CHRM3: variants seen among roughly 807,000 people sequenced by gnomAD.
The protein encoded by CHRM3 is muscarinic acetylcholine receptor M3.
In CHRM3, 11 loss-of-function variants were observed where a neutral mutation model predicts 41.8. The ratio of observed to expected loss-of-function variants is 0.26; its 90% CI spans 0.17 to 0.44. The LOEUF (loss-of-function observed/expected upper bound fraction) is 0.44, where lower values mean the gene tolerates loss of function less well. Among genes scored for constraint, CHRM3 ranks in the 20% least tolerant of loss-of-function variants. CHRM3 has a pLI of 1.00. For synonymous variants in CHRM3, 297 were observed against 301.4 expected, an observed-to-expected ratio of 0.99 and a Z score of 0.15; for missense variants, 571 against 745.4, an observed-to-expected ratio of 0.77 and a Z score of 2.72.
At chr1:239,402,495 T>C (rs1204055194) in intron 1 of CHRM3, among the ~76,000 whole-genome samples, 1 of 152,176 alleles carries the variant, frequency 6.6e-6, no homozygotes, top group African/African-American at 2.4e-5. Flanking sequence ...CAATTTTACC[T>C]CTACGTAACT....
chr1:239,610,858 C>A (rs1666938310), intron 3 of CHRM3, among the ~76,000 whole-genome samples: 1 of 152,146 alleles, frequency 6.6e-6, no homozygotes, highest in African/African-American at 2.4e-5. Context: ...TTGAGGCCAT[C>A]CTGGCCAACA....
intron 3 of CHRM3, among the ~76,000 whole-genome samples, chr1:239,558,873 T>C (rs1028933874): frequency 6.6e-6 from 1 of 152,220 alleles, no homozygotes; most frequent in Non-Finnish European, 1.5e-5. Flanking sequence ...TTTATTCTCC[T>C]TTCCCTAACT....
chr1:239,675,699 T>C (rs766210511), intron 4 of CHRM3, among the ~76,000 whole-genome samples: 2 of 152,226 alleles, frequency 1.3e-5, no homozygotes, highest in Non-Finnish European at 2.9e-5. Flanking sequence ...AGTTTTTCAA[T>C]TGGAAAAGCA....
At chr1:239,778,386 C>T (rs140489996) in intron 5 of CHRM3, among the ~76,000 whole-genome samples, 87 of 152,242 alleles carry the variant, frequency 5.7e-4, no homozygotes, top group African/African-American at 2.0e-3. Flanking sequence ...AAATTTACTT[C>T]TGAAATCTCC....
At chr1:239,681,746 A>G (rs1020131110) in intron 5 of CHRM3, among the ~76,000 whole-genome samples, 4 of 152,134 alleles carry the variant, frequency 2.6e-5, no homozygotes, top group Non-Finnish European at 5.9e-5. Context: ...AAGAAATTTA[A>G]AAATTAGCCT....
intron 6 of CHRM3, among the ~76,000 whole-genome samples, chr1:239,848,443 G>T (rs1233090759): frequency 6.6e-6 from 1 of 152,018 alleles, no homozygotes; most frequent in Non-Finnish European, 1.5e-5. Context: ...TGATTTTAAT[G>T]ATCCCCAAAA....
intron 5 of CHRM3, among the ~76,000 whole-genome samples, chr1:239,820,557 A>G (rs1257256551): frequency 6.6e-6 from 1 of 152,224 alleles, no homozygotes; most frequent in African/African-American, 2.4e-5. Context: ...GAACAATCTC[A>G]TCCTATGCTT....
intron 3 of CHRM3, among the ~76,000 whole-genome samples, chr1:239,627,304 A>T (rs1479969599): frequency 1.5e-5 from 2 of 133,144 alleles, no homozygotes; most frequent in African/African-American, 2.9e-5. Flanking sequence ...AGTCTGTTTT[A>T]TCAGAGACTA....
In CHRM3 at chr1:239,909,371, A is replaced by G; in HGVS notation, c.*147A>G. On this transcript the variant is annotated 3_prime_UTR_variant, in exon 7 of 7. Coordinates refer to ENST00000676153, the MANE Select transcript of CHRM3 (RefSeq NM_001375978.1). ...AAAGAAGCTGCCTGTTTACTGATCC[A>G]TTGAATAAACCCATTTTAATAGAAA... 1.4e-6 allele frequency: 1 copy of G among 713,488 alleles called. No homozygotes were observed. Among genetic ancestry groups the G allele is most frequent in the Non-Finnish European group, 2.3e-6 (1 of 443,300 alleles). 44.2% of individuals were successfully genotyped at this position (713,488 alleles called of 1,614,324 possible). A position where few individuals can be genotyped will look rare whatever the true frequency, so the allele number is the denominator to read the frequency against.
At chr1:239,552,773 G>A (rs1659997031) in intron 3 of CHRM3, among the ~76,000 whole-genome samples, 1 of 151,428 alleles carries the variant, frequency 6.6e-6, no homozygotes, top group Non-Finnish European at 1.5e-5. Flanking sequence ...TTGCAGGTGT[G>A]AGCCACCACA....
chr1:239,881,555 T>C (rs997874213), intron 6 of CHRM3, among the ~76,000 whole-genome samples: 10 of 152,190 alleles, frequency 6.6e-5, no homozygotes, highest in African/African-American at 2.4e-4. Context: ...AAGCTTCCTA[T>C]GTCATAAATC....
intron 2 of CHRM3, among the ~76,000 whole-genome samples, chr1:239,522,033 T>C (rs986494867): frequency 8.9e-6 from 1 of 112,376 alleles, no homozygotes; most frequent in Non-Finnish European, 2.1e-5. Context: ...TTCTTTTCTT[T>C]TCTTTTCTTT....
chr1:239,840,031 A>C (rs188538002), intron 6 of CHRM3, among the ~76,000 whole-genome samples: 142 of 152,328 alleles, frequency 9.3e-4, no homozygotes, highest in African/African-American at 3.3e-3. Flanking sequence ...ATGATAATGC[A>C]CGCATACACT....
Position 239,874,307 on chromosome 1 carries a change from A to C in CHRM3, c.-19-33126A>C, listed in dbSNP as rs12120687. 6.3e-3 allele frequency among the ~76,000 whole-genome samples: 155 copies of C among 24,514 alleles called. 1 individual carries two copies. Among genetic ancestry groups the C allele is most frequent in the East Asian group, 0.055 (15 of 272 alleles). The allele number at this position is 24,514 out of a possible 152,430, so 16.1% of individuals were successfully genotyped here. A position where few individuals can be genotyped will look rare whatever the true frequency, so the allele number is the denominator to read the frequency against. ...ACAGTATATATATATATATATATAT[A>C]TATATATATATATATATATACACAG... On this transcript the variant is annotated intron_variant, in intron 6 of 6. Coordinates refer to ENST00000676153, the MANE Select transcript of CHRM3 (RefSeq NM_001375978.1).
At chr1:239,652,958 T>C (rs965625933) in intron 4 of CHRM3, among the ~76,000 whole-genome samples, 1 of 152,244 alleles carries the variant, frequency 6.6e-6, no homozygotes, top group Non-Finnish European at 1.5e-5. Context: ...AGTGTTGATA[T>C]ATATCATTTA....
chr1:239,502,259 C>T (rs532932782), intron 2 of CHRM3, among the ~76,000 whole-genome samples: 8 of 152,068 alleles, frequency 5.3e-5, no homozygotes, highest in East Asian at 1.9e-4. Flanking sequence ...ATATTACAAC[C>T]GACACCACAG....
chr1:239,637,972 C>G (rs1670673853), intron 4 of CHRM3, among the ~76,000 whole-genome samples: 1 of 136,332 alleles, frequency 7.3e-6, no homozygotes, highest in Admixed American at 8.4e-5. Flanking sequence ...TCCACGTGTT[C>G]TCATTGTTCA....
intron 5 of CHRM3, among the ~76,000 whole-genome samples, chr1:239,683,596 C>G (rs6677527): frequency 4.6e-5 from 7 of 152,100 alleles, no homozygotes; most frequent in African/African-American, 1.7e-4. Context: ...GATTCCTAAT[C>G]GAGGCCTCTT....
chr1:239,460,613 C>G (rs905166373), intron 1 of CHRM3, among the ~76,000 whole-genome samples: 3 of 151,968 alleles, frequency 2.0e-5, no homozygotes, highest in African/African-American at 7.3e-5. Flanking sequence ...ATCTACACAC[C>G]TTCTTCCAAA....
Sources: gnomAD v4.1 joint callset for allele counts (sites outside exome capture counted in the v4.1 genomes callset) on GRCh38, gnomAD v4.1.1 for gene constraint, MANE v1.5 for transcripts, NCBI Gene and HGNC (gene_info 2026-07-23, HGNC 2026-07-21) for gene names.